TMEM132D: variants seen among roughly 807,000 people sequenced by gnomAD.
TMEM132D encodes the protein mature OL transmembrane protein.
In TMEM132D, 21 loss-of-function variants were observed where a neutral mutation model predicts 62.3. That is an observed-to-expected ratio of 0.34 (90% confidence interval 0.24 to 0.49). TMEM132D has a LOEUF of 0.49. Among genes scored for constraint, TMEM132D ranks in the 20% least tolerant of loss-of-function variants. The probability of loss-of-function intolerance (pLI) is 0.99; values close to 1 mark genes in which losing one functional copy is unlikely to be tolerated. For missense variants in TMEM132D, 1,346 were observed against 1,402.8 expected, an observed-to-expected ratio of 0.96 and a Z score of 0.65; for synonymous variants, 621 against 575.6, an observed-to-expected ratio of 1.08 and a Z score of -1.13.
At chr12:129,126,892 A>C (rs1357975093) in intron 5 of TMEM132D, among the ~76,000 whole-genome samples, 1 of 152,236 alleles carries the variant, frequency 6.6e-6, no homozygotes, top group Non-Finnish European at 1.5e-5. Context: ...CAGCTCTGAC[A>C]CTGGCACGCT....
chr12:129,666,173 C>T (rs1359506237), intron 2 of TMEM132D, among the ~76,000 whole-genome samples: 3 of 152,144 alleles, frequency 2.0e-5, no homozygotes, highest in Non-Finnish European at 2.9e-5. Flanking sequence ...CCTTCAGCTG[C>T]GATTAGACCC....
intron 1 of TMEM132D, among the ~76,000 whole-genome samples, chr12:129,822,807 G>T (rs78823618): frequency 0.013 from 1,938 of 152,250 alleles, 45 homozygotes; most frequent in African/African-American, 0.044. Flanking sequence ...TCACCCCCAT[G>T]ATTCAATTAT....
At chr12:129,580,494 T>G (rs1201383421) in intron 2 of TMEM132D, among the ~76,000 whole-genome samples, 1 of 152,182 alleles carries the variant, frequency 6.6e-6, no homozygotes, top group Non-Finnish European at 1.5e-5. Context: ...TGTCTACATC[T>G]TTTTAGTATC....
At chr12:129,090,666 T>TG (rs1874877457) in intron 5 of TMEM132D, among the ~76,000 whole-genome samples, 1 of 127,892 alleles carries the variant, frequency 7.8e-6, no homozygotes, top group African/African-American at 2.7e-5. Flanking sequence ...AGACCCTGTC[T>TG]GAAAAAAAAA....
chr12:129,145,100 TAA>T (rs1165054561), intron 5 of TMEM132D, among the ~76,000 whole-genome samples: 1 of 152,222 alleles, frequency 6.6e-6, no homozygotes, highest in African/African-American at 2.4e-5. Context: ...ATTCATAGAC[TAA>T]GACAGTATAC....
At chr12:129,807,366 C>T (rs373155325) in intron 1 of TMEM132D, among the ~76,000 whole-genome samples, 2 of 152,156 alleles carry the variant, frequency 1.3e-5, no homozygotes, top group African/African-American at 4.8e-5. Flanking sequence ...ATCAATGTCT[C>T]CCCCAGGTGG....
intron 5 of TMEM132D, among the ~76,000 whole-genome samples, chr12:129,103,077 A>G (rs949225757): frequency 1.3e-5 from 2 of 152,076 alleles, no homozygotes; most frequent in African/African-American, 4.8e-5. Context: ...CCACCCTTCC[A>G]TGCTCTGTTT....
intron 1 of TMEM132D, 53 bp from the exon 2 acceptor site, chr12:129,700,751 C>T (rs1267936262): frequency 6.6e-6 from 10 of 1,524,244 alleles, no homozygotes; most frequent in Non-Finnish European, 8.8e-6. Context: ...GTCCTGTTAC[C>T]AGCATTTCAG....
chr12:129,555,680 A>G (rs1330136155), intron 2 of TMEM132D, among the ~76,000 whole-genome samples: 1 of 152,194 alleles, frequency 6.6e-6, no homozygotes, highest in East Asian at 1.9e-4. Context: ...AAAGTTCTTA[A>G]TGGGACTCTG....
intron 2 of TMEM132D, among the ~76,000 whole-genome samples, chr12:129,538,863 C>T (rs113120914): frequency 5.5e-5 from 8 of 146,652 alleles, no homozygotes; most frequent in African/African-American, 7.5e-5. Context: ...CTACTAGTGA[C>T]CCCTGGCGAT....
At chr12:129,690,352 T>C (rs979579088) in intron 2 of TMEM132D, among the ~76,000 whole-genome samples, 4 of 152,058 alleles carry the variant, frequency 2.6e-5, no homozygotes, top group East Asian at 3.9e-4. Flanking sequence ...TTAATCTATA[T>C]GAAAAGCATT....
At chr12:129,747,552 C>T (rs1192037925) in intron 1 of TMEM132D, among the ~76,000 whole-genome samples, 1 of 148,188 alleles carries the variant, frequency 6.7e-6, no homozygotes, top group African/African-American at 2.5e-5. Flanking sequence ...TCTCAGACAC[C>T]CTCTCACACA....
chr12:129,241,614 A>C (rs979359377), intron 4 of TMEM132D, among the ~76,000 whole-genome samples: 5 of 152,060 alleles, frequency 3.3e-5, no homozygotes, highest in African/African-American at 1.2e-4. Flanking sequence ...GTCTCCTCTG[A>C]CTTCTCTTAA....
intron 4 of TMEM132D, among the ~76,000 whole-genome samples, chr12:129,286,510 A>T (rs1251718281): frequency 6.6e-6 from 1 of 152,154 alleles, no homozygotes; most frequent in African/African-American, 2.4e-5. Context: ...AGGTAATCAC[A>T]CTATGAGATT....
At chr12:129,418,776 A>G (rs1010364272) in intron 3 of TMEM132D, among the ~76,000 whole-genome samples, 6 of 152,174 alleles carry the variant, frequency 3.9e-5, no homozygotes, top group African/African-American at 1.4e-4. Flanking sequence ...TACAGTTGTA[A>G]TTAGCTAAGT....
At chr12:129,481,668 T>C (rs193124724) in intron 3 of TMEM132D, among the ~76,000 whole-genome samples, 3 of 152,360 alleles carry the variant, frequency 2.0e-5, no homozygotes, top group Admixed American at 2.0e-4. Flanking sequence ...TAACATTTGC[T>C]ATGAGCATCA....
At chr12:129,719,989 G>A (rs767339080) in intron 1 of TMEM132D, among the ~76,000 whole-genome samples, 5 of 151,566 alleles carry the variant, frequency 3.3e-5, no homozygotes, top group African/African-American at 4.9e-5. Context: ...AATCTCAAGC[G>A]GGCCATTAAA....
chr12:129,220,656 T>G (rs1879322838), intron 4 of TMEM132D, among the ~76,000 whole-genome samples: 1 of 152,182 alleles, frequency 6.6e-6, no homozygotes, highest in African/African-American at 2.4e-5. Flanking sequence ...ATTGGAACTA[T>G]GTACCCTCTA....
intron 1 of TMEM132D, among the ~76,000 whole-genome samples, chr12:129,767,496 A>G (rs1262270648): frequency 6.6e-6 from 1 of 152,076 alleles, no homozygotes; most frequent in Non-Finnish European, 1.5e-5. Context: ...AACAAATCCT[A>G]TTCCCCATGT....
Sources: allele counts gnomAD v4.1 joint callset (sites outside exome capture counted in the v4.1 genomes callset), GRCh38; gene constraint gnomAD v4.1.1; transcripts MANE v1.5; gene names NCBI Gene and HGNC (gene_info 2026-07-23, HGNC 2026-07-21).